Variants in CHMP6 observed in about 807,000 individuals in gnomAD.
CHMP6 encodes the protein charged multivesicular body protein 6, also known as chromatin-modifying protein 6.
Under a neutral mutation model 32.8 loss-of-function variants are expected in CHMP6, and 10 were observed. The ratio of observed to expected loss-of-function variants is 0.30; its 90% CI spans 0.19 to 0.52. The LOEUF is 0.52. Among genes scored for constraint, CHMP6 ranks in the 20% least tolerant of loss-of-function variants. The pLI, the probability that CHMP6 is intolerant of heterozygous loss-of-function variation, is 0.97. For missense variants in CHMP6, 269 were observed against 263.8 expected (o/e 1.02, Z -0.14); for synonymous variants, 123 against 105.8 (o/e 1.16, Z -1.00).
chr17:80,992,891 T>C (rs2069605136), intron 1 of CHMP6, among the ~76,000 whole-genome samples: 1 of 152,224 alleles, frequency 6.6e-6, no homozygotes, highest in Non-Finnish European at 1.5e-5. Context: ...AATTTTATAC[T>C]AAAAGAGAAG....
chr17:80,999,058 G>T (rs745511165), intron 7 of CHMP6, 40 bp from the exon 8 acceptor site: 43 of 1,612,164 alleles, frequency 2.7e-5, no homozygotes, highest in Non-Finnish European at 3.6e-5. Flanking sequence ...TCTGCCTGTG[G>T]GTCTTTGGCG....
chr17:80,995,620 G>C (rs531377946), intron 3 of CHMP6, 52 bp from the exon 4 acceptor site: 2 of 1,542,814 alleles, frequency 1.3e-6, no homozygotes, highest in East Asian at 2.2e-5. Context: ...AGGGCCGGGA[G>C]GAGGGCACCC....
intron 4 of CHMP6, 91 bp downstream of exon 4, chr17:80,995,849 C>A: frequency 8.6e-7 from 1 of 1,166,918 alleles, no homozygotes; most frequent in Non-Finnish European, 1.2e-6. Flanking sequence ...CCACGGTGTT[C>A]GTGTCAGACA....
chr17:80,997,248 T>G lies in CHMP6; in HGVS notation c.415-13T>G, dbSNP rs1166500347. The stretch of plus-strand genomic sequence containing the variant: ...CCTCCTCGCTGCTCTCACCACCGCC[T>G]GTCCTTTTGCAGCAAATAGACGAGC... On this transcript the variant is annotated splice_polypyrimidine_tract_variant and intron_variant, in intron 5 of 7. Transcript: ENST00000325167. 6.3e-7 allele frequency: 1 copy of G among 1,599,128 alleles called. No homozygotes were observed. Among genetic ancestry groups the G allele is most frequent in the Non-Finnish European group, 8.5e-7 (1 of 1,171,180 alleles).
rs200778781 is a variant in CHMP6, at chr17:80,997,015, C to A, written c.357C>A (p.Ser119=). Residue 119 remains serine (S), a synonymous_variant, in exon 5 of 8, where the codon TCC becomes TCA. Coordinates refer to ENST00000325167, the MANE Select transcript of CHMP6 (RefSeq NM_024591.5). The part of the protein sequence containing the change: ...ECLNKMHQVM[S]IEEVERILDE... Reference sequence around the variant, plus strand: ...ATCACCCTCGTCCACAGGTGATGTCCATTGAAGAGGTGGAGAGGATCCTGG... The same window carrying A: ...ATCACCCTCGTCCACAGGTGATGTCAATTGAAGAGGTGGAGAGGATCCTGG... 6.2e-7 allele frequency: 1 copy of A among 1,613,790 alleles called. No homozygotes were observed. Among genetic ancestry groups the A allele is most frequent in the African/African-American group, 1.3e-5 (1 of 75,048 alleles).
At position 80,999,489 on chromosome 17, in the gene CHMP6, G is replaced by A. The variant is rs945281614; in HGVS notation, c.*336G>A. The A allele has an allele frequency of 1.7e-5, 5 of 295,202 alleles. No homozygotes were observed. Among genetic ancestry groups the A allele is most frequent in the Non-Finnish European group, 2.6e-5 (4 of 154,254 alleles). 18.3% of individuals were successfully genotyped at this position (295,202 alleles called of 1,614,324 possible). A position where few individuals can be genotyped will look rare whatever the true frequency, so the allele number is the denominator to read the frequency against. ...GCAGTCCCAGCCCCGCGTGGCTCGCGCTCGTCTGTGAGGAAGACACCTCCA... is the reference window on the plus strand; with the variant it reads ...GCAGTCCCAGCCCCGCGTGGCTCGCACTCGTCTGTGAGGAAGACACCTCCA... On this transcript the variant is annotated 3_prime_UTR_variant, in exon 8 of 8. Coordinates refer to ENST00000325167, the MANE Select transcript of CHMP6 (RefSeq NM_024591.5).
intron 1 of CHMP6, among the ~76,000 whole-genome samples, chr17:80,992,336 G>T (rs2069599821): frequency 6.6e-6 from 1 of 152,090 alleles, no homozygotes; most frequent in Non-Finnish European, 1.5e-5. Context: ...GCGGCGCTGG[G>T]CTTTCCCTGG....
chr17:80,997,657 G>T (rs550722237), intron 6 of CHMP6, among the ~76,000 whole-genome samples: 1 of 151,994 alleles, frequency 6.6e-6, no homozygotes, highest in Non-Finnish European at 1.5e-5. Context: ...GCTGACTCAC[G>T]TCCCACATAG....
At chr17:80,992,078 C>G in intron 1 of CHMP6, 97 bp downstream of exon 1, 1 of 874,114 alleles carries the variant, frequency 1.1e-6, no homozygotes, top group East Asian at 3.8e-5. Context: ...CTCGGCCCCC[C>G]GCGTTCGGAT....
At chr17:80,997,147 A>C in intron 5 of CHMP6, 75 bp downstream of exon 5, 1 of 1,604,136 alleles carries the variant, frequency 6.2e-7, no homozygotes, top group Non-Finnish European at 8.5e-7. Flanking sequence ...AAACTGTCCC[A>C]CATCCTAGAG....
chr17:80,997,503 C>T (rs1406285998), intron 6 of CHMP6, among the ~76,000 whole-genome samples, 162 bp downstream of exon 6: 1 of 148,332 alleles, frequency 6.7e-6, no homozygotes, highest in Non-Finnish European at 1.5e-5. Flanking sequence ...ACTCTGTTTT[C>T]AGGGTTGCTC....
chr17:80,993,210 C>A (rs2069607867), intron 1 of CHMP6, among the ~76,000 whole-genome samples: 1 of 152,104 alleles, frequency 6.6e-6, no homozygotes, highest in African/African-American at 2.4e-5. Flanking sequence ...GTAGGTCTCC[C>A]TGGGATTTTG....
At chr17:80,998,185 TTCTGGTGGCACCAGAAGCCGGGGC>T (rs1342208973) in intron 6 of CHMP6, among the ~76,000 whole-genome samples, 157 bp from the exon 7 acceptor site, 1 of 152,130 alleles carries the variant, frequency 6.6e-6, no homozygotes, top group Non-Finnish European at 1.5e-5. Context: ...ACCTAGGGGA[TTCTGGTGGCACCAGAAGCCGGGGC>T]GGTTGCAGAC....
In CHMP6 at chr17:80,995,188, T is replaced by C; in HGVS notation, c.261+82T>C. The C allele has an allele frequency of 5.4e-6, 7 of 1,294,094 alleles. No individual in the cohort carries two copies. The South Asian group carries it at 9.3e-5, about 17-fold the overall frequency. 80.2% of individuals were successfully genotyped at this position (1,294,094 alleles called of 1,614,324 possible). On this transcript the variant is annotated intron_variant, in intron 3 of 7. Transcript: ENST00000325167. The stretch of plus-strand genomic sequence containing the variant: ...CGGCTGCGTGGACATCAGAAATTTC[T>C]CCCGAGAGCTGAAAGCTCCTCTCAG...
chr17:80,993,690 T>C (rs2069612909), intron 1 of CHMP6, among the ~76,000 whole-genome samples: 1 of 152,182 alleles, frequency 6.6e-6, no homozygotes, highest in Non-Finnish European at 1.5e-5. Flanking sequence ...CTGGCTGAAG[T>C]TCCTCAGTGG....
Position 81,000,131 on chromosome 17 carries a change from C to T in CHMP6, c.*978C>T, listed in dbSNP as rs1259018838. ...CCGTATTAAAGTTGGCCCTGCACGC[C>T]CACTGCCTCGTGGACTTGGGCGCAG... is the stretch of plus-strand genomic sequence containing the variant. On this transcript the variant is annotated 3_prime_UTR_variant, in exon 8 of 8. Transcript: ENST00000325167. 1 of 152,256 alleles carries T rather than the reference C, an allele frequency of 6.6e-6. No homozygotes were observed. The highest frequency in any genetic ancestry group is 1.9e-4 in the East Asian group (1 of 5,198). The allele number at this position is 152,256 out of a possible 1,614,324, so 9.4% of individuals were successfully genotyped here.
chr17:81,000,025 C>A lies in CHMP6; in HGVS notation c.*872C>A, dbSNP rs567720004. 6.6e-6 allele frequency: 1 copy of A among 152,220 alleles called. No homozygotes were observed. The highest frequency in any genetic ancestry group is 2.4e-5 in the African/African-American group (1 of 41,438). The allele number at this position is 152,220 out of a possible 1,614,324, so 9.4% of individuals were successfully genotyped here. ...GCACAGGGCTGGTTTGGTTATGAGA[C>A]GATCTCGCTGGGACCGCCCCTGCCC... On this transcript the variant is annotated 3_prime_UTR_variant, in exon 8 of 8. Coordinates refer to ENST00000325167, the MANE Select transcript of CHMP6 (RefSeq NM_024591.5).
intron 4 of CHMP6, 124 bp from the exon 5 acceptor site, chr17:80,996,883 C>G (rs1273209547): frequency 2.0e-6 from 2 of 1,022,492 alleles, no homozygotes; most frequent in Middle Eastern, 3.1e-4. Flanking sequence ...CAGACCTTGT[C>G]TTTAAAAATA....
rs942163683 is a variant in CHMP6, at chr17:80,999,285, C to T, written c.*132C>T. ...ACGGTGCTGAGCAGAGCTGCAGCCA[C>T]GCAGGCGCATTGCAGGAGGACTCCA... On this transcript the variant is annotated 3_prime_UTR_variant, in exon 8 of 8. Coordinates refer to ENST00000325167, the MANE Select transcript of CHMP6 (RefSeq NM_024591.5). 50 of 1,002,876 alleles carry T rather than the reference C, an allele frequency of 5.0e-5. No homozygotes were observed. The highest frequency in any genetic ancestry group is 1.5e-4 in the Admixed American group (7 of 47,688). 62.1% of individuals were successfully genotyped at this position (1,002,876 alleles called of 1,614,324 possible). A position where few individuals can be genotyped will look rare whatever the true frequency, so the allele number is the denominator to read the frequency against.
Sources: gnomAD v4.1 joint callset for allele counts (sites outside exome capture counted in the v4.1 genomes callset) on GRCh38, gnomAD v4.1.1 for gene constraint, MANE v1.5 for transcripts, NCBI Gene and HGNC (gene_info 2026-07-23, HGNC 2026-07-21) for gene names.